RCL1: variants seen among roughly 807,000 people sequenced by gnomAD.
RCL1 encodes RNA 3'-terminal phosphate cyclase-like protein.
In RCL1, 24 loss-of-function variants were observed where a neutral mutation model predicts 42.4. The observed-to-expected ratio is 0.57, with a 90% CI of 0.41 to 0.80. RCL1 has a LOEUF of 0.80. Among genes scored for constraint, RCL1 ranks in the 30% least tolerant of loss-of-function variants. The pLI, the probability that RCL1 is intolerant of heterozygous loss-of-function variation, is 0.00. For missense variants in RCL1, 578 were observed against 467.9 expected (o/e 1.24, Z -2.17); for synonymous variants, 228 against 177.3 (o/e 1.29, Z -2.27).
intron 4 of RCL1, among the ~76,000 whole-genome samples, chr9:4,833,868 T>G (rs955775950): frequency 6.6e-6 from 1 of 152,248 alleles, no homozygotes; most frequent in African/African-American, 2.4e-5. Context: ...GTCAGCTCTA[T>G]ATTTTAAGGA....
chr9:4,799,071 C>A (rs865874322), intron 1 of RCL1, among the ~76,000 whole-genome samples: 1 of 124,096 alleles, frequency 8.1e-6, no homozygotes, highest in Non-Finnish European at 1.7e-5. Context: ...TCCCTCTCCC[C>A]CTCCTTCTCT....
In RCL1 at chr9:4,834,064, A is replaced by T. The variant is rs1019911090; in HGVS notation, c.460-77A>T. The T allele has an allele frequency of 8.5e-6, 13 of 1,521,704 alleles. No homozygotes were observed. The African/African-American group carries it at 1.5e-4, about 18-fold the overall frequency. 94.3% of individuals were successfully genotyped at this position (1,521,704 alleles called of 1,614,324 possible). ...TTGTAAGGAAGCATCTGCTGGTGTA[A>T]ACCTTCCTGGGCAGGGTGTCAGGGT... On this transcript the variant is annotated intron_variant, in intron 4 of 8. Coordinates refer to ENST00000381750, the MANE Select transcript of RCL1 (RefSeq NM_005772.5).
At chr9:4,813,023 C>T (rs964777587) in intron 1 of RCL1, among the ~76,000 whole-genome samples, 1 of 152,170 alleles carries the variant, frequency 6.6e-6, no homozygotes, top group Non-Finnish European at 1.5e-5. Context: ...ACGGGAACAG[C>T]TTAACTTCCT....
At chr9:4,817,477 T>C (rs1308576201) in intron 1 of RCL1, among the ~76,000 whole-genome samples, 3 of 151,504 alleles carry the variant, frequency 2.0e-5, no homozygotes, top group Admixed American at 6.6e-5. Flanking sequence ...TAATCTTTTT[T>C]TTTTTTTCTT....
At chr9:4,822,297 A>G (rs922132401) in intron 1 of RCL1, among the ~76,000 whole-genome samples, 1 of 152,170 alleles carries the variant, frequency 6.6e-6, no homozygotes, top group Non-Finnish European at 1.5e-5. Context: ...GAATTGTCTA[A>G]AAGTGTCAGG....
chr9:4,842,313 G>C (rs527959383), intron 6 of RCL1, among the ~76,000 whole-genome samples: 1 of 152,268 alleles, frequency 6.6e-6, no homozygotes, highest in East Asian at 1.9e-4. Flanking sequence ...TTCACCTGTG[G>C]TTTCTTTTAA....
At chr9:4,798,706 G>T (rs1034067700) in intron 1 of RCL1, among the ~76,000 whole-genome samples, 48 of 152,172 alleles carry the variant, frequency 3.2e-4, no homozygotes, top group Non-Finnish European at 1.5e-4. Context: ...TTTCGGCCTG[G>T]TTTGGGACCC....
intron 1 of RCL1, among the ~76,000 whole-genome samples, chr9:4,820,532 T>A (rs1168352197): frequency 2.6e-5 from 4 of 152,148 alleles, no homozygotes; most frequent in Non-Finnish European, 5.9e-5. Flanking sequence ...TGTGTAAGAG[T>A]CCGTGTGGAT....
intron 5 of RCL1, chr9:4,839,643 C>G (rs1179960365): frequency 1.4e-5 from 14 of 984,858 alleles, no homozygotes; most frequent in Non-Finnish European, 1.7e-5. Flanking sequence ...GGTGATGTAA[C>G]TGGGCTGTGT....
At chr9:4,795,908 T>C (rs899937959) in intron 1 of RCL1, among the ~76,000 whole-genome samples, 1 of 152,202 alleles carries the variant, frequency 6.6e-6, no homozygotes, top group African/African-American at 2.4e-5. Context: ...AGGATGTTAC[T>C]AAGTTTGAGT....
intron 3 of RCL1, among the ~76,000 whole-genome samples, chr9:4,830,621 A>G (rs1000634443): frequency 6.6e-6 from 1 of 152,222 alleles, no homozygotes; most frequent in Admixed American, 6.5e-5. Context: ...ATTCTTTTCC[A>G]GTTCCCTCTT....
chr9:4,855,488 CTGTGGAGAGCTGT>C (rs1374484262), intron 8 of RCL1, among the ~76,000 whole-genome samples: 2 of 152,100 alleles, frequency 1.3e-5, no homozygotes, highest in African/African-American at 4.8e-5. Flanking sequence ...GCAGCTGCTG[CTGTGGAGAGCTGT>C]TGGGCTGTGG....
intron 1 of RCL1, among the ~76,000 whole-genome samples, chr9:4,810,849 A>T (rs1816149139): frequency 6.6e-6 from 1 of 152,148 alleles, no homozygotes; most frequent in Non-Finnish European, 1.5e-5. Flanking sequence ...TGTGGTTTTA[A>T]TTTATATTAC....
intron 1 of RCL1, among the ~76,000 whole-genome samples, chr9:4,805,575 G>C (rs1317122085): frequency 1.3e-5 from 2 of 152,212 alleles, no homozygotes; most frequent in African/African-American, 4.8e-5. Context: ...AGCAGGGTAA[G>C]TAGGTCAAGT....
At chr9:4,828,858 C>G (rs902965017) in intron 3 of RCL1, among the ~76,000 whole-genome samples, 11 of 152,194 alleles carry the variant, frequency 7.2e-5, no homozygotes, top group African/African-American at 2.7e-4. Context: ...GTAGGAGTAT[C>G]TGCTTTTGCC....
intron 1 of RCL1, among the ~76,000 whole-genome samples, chr9:4,800,869 GT>G (rs1842989409): frequency 6.6e-6 from 1 of 151,954 alleles, no homozygotes. Context: ...GGCCAGGCTG[GT>G]CTCCAACTCC....
chr9:4,807,386 A>G (rs1383964669), intron 1 of RCL1, among the ~76,000 whole-genome samples: 1 of 152,180 alleles, frequency 6.6e-6, no homozygotes, highest in Non-Finnish European at 1.5e-5. Flanking sequence ...TATGTATTTA[A>G]AGCAATTACA....
At chr9:4,853,314 C>T (rs1418051470) in intron 8 of RCL1, among the ~76,000 whole-genome samples, 1 of 149,242 alleles carries the variant, frequency 6.7e-6, no homozygotes, top group Non-Finnish European at 1.5e-5. Flanking sequence ...CTTCCCTTAC[C>T]CACTGTGCTC....
chr9:4,816,638 G>T (rs1325851311), intron 1 of RCL1, among the ~76,000 whole-genome samples: 1 of 152,028 alleles, frequency 6.6e-6, no homozygotes, highest in Non-Finnish European at 1.5e-5. Context: ...AATCACAGTA[G>T]TAATTTTAAA....
Sources: gnomAD v4.1 joint callset for allele counts (sites outside exome capture counted in the v4.1 genomes callset) on GRCh38, gnomAD v4.1.1 for gene constraint, MANE v1.5 for transcripts, NCBI Gene and HGNC (gene_info 2026-07-23, HGNC 2026-07-21) for gene names.